NT5DC3: variants seen among roughly 807,000 people sequenced by gnomAD.
NT5DC3 encodes 5'-nucleotidase domain-containing protein 3.
In NT5DC3, 42 loss-of-function variants were observed where a neutral mutation model predicts 67.8. That is an observed-to-expected ratio of 0.62 (90% CI 0.48 to 0.80). NT5DC3 has a LOEUF of 0.80. NT5DC3 is among the 30% of genes least tolerant of loss of function. The pLI, the probability that NT5DC3 is intolerant of heterozygous loss-of-function variation, is 0.00. For synonymous variants in NT5DC3, 237 were observed against 255.6 expected, an observed-to-expected ratio of 0.93 and a Z score of 0.69; for missense variants, 570 against 696.4, an observed-to-expected ratio of 0.82 and a Z score of 2.04.
intron 4 of NT5DC3, among the ~76,000 whole-genome samples, chr12:103,801,496 C>T (rs1886579894): frequency 6.6e-6 from 1 of 151,050 alleles, no homozygotes; most frequent in African/African-American, 2.4e-5. Flanking sequence ...CATTCTCCTG[C>T]CTCAGCCTCC....
chr12:103,763,949 C>T, the NT5DC3 span: 12 of 184,888 alleles, frequency 6.5e-5, 1 homozygote, highest in East Asian at 1.5e-3. Flanking sequence ...GTAGCAGGTG[C>T]AAAACAAGAT....
At chr12:103,791,106 A>G (rs12422615) in intron 9 of NT5DC3, among the ~76,000 whole-genome samples, 14,320 of 152,178 alleles carry the variant, frequency 0.094, 933 homozygotes, top group East Asian at 0.27. Flanking sequence ...ATTATGAATA[A>G]CACAAGGATG....
intron 6 of NT5DC3, 61 bp from the exon 7 acceptor site, chr12:103,794,058 C>T: frequency 7.8e-7 from 1 of 1,285,920 alleles, no homozygotes; most frequent in East Asian, 2.3e-5. Context: ...AGTAACAGTA[C>T]AAGTGAAATG....
chr12:103,799,528 C>T (rs938700822), intron 4 of NT5DC3, among the ~76,000 whole-genome samples: 12 of 152,270 alleles, frequency 7.9e-5, no homozygotes, highest in East Asian at 7.7e-4. Flanking sequence ...AGGCCTCCCC[C>T]GCTATGTGGA....
the NT5DC3 span, among the ~76,000 whole-genome samples, chr12:103,749,841 C>CAAAAAAAAAA: frequency 2.6e-3 from 135 of 51,162 alleles, 7 homozygotes; most frequent in East Asian, 6.3e-3. Context: ...CTCTGTCTCA[C>CAAAAAAAAAA]AAAAAAAAAA....
chr12:103,780,274 G>A (rs773234363), intron 13 of NT5DC3, 26 bp downstream of exon 13: 45 of 1,597,146 alleles, frequency 2.8e-5, no homozygotes, highest in East Asian at 4.5e-5. Context: ...TGGTGGACGC[G>A]CACATTCAAT....
intron 2 of NT5DC3, 74 bp from the exon 3 acceptor site, chr12:103,807,003 G>T (rs1040759286): frequency 2.3e-6 from 2 of 871,008 alleles, no homozygotes; most frequent in East Asian, 2.5e-5. Flanking sequence ...TCTGGCCCTT[G>T]TACAAAGGCT....
chr12:103,806,269 C>T, intron 4 of NT5DC3, 53 bp downstream of exon 4: 1 of 1,191,474 alleles, frequency 8.4e-7, no homozygotes, highest in Non-Finnish European at 1.3e-6. Context: ...GTCCTGAAAC[C>T]CAAAGCACCT....
intron 1 of NT5DC3, among the ~76,000 whole-genome samples, chr12:103,816,845 G>A (rs566214937): frequency 1.1e-4 from 16 of 152,178 alleles, no homozygotes; most frequent in African/African-American, 2.6e-4. Context: ...GTGCAGTAGT[G>A]AAATAAGTCA....
downstream of NT5DC3, among the ~76,000 whole-genome samples, chr12:103,770,173 T>G (rs537689098): frequency 6.6e-6 from 1 of 152,362 alleles, no homozygotes; most frequent in South Asian, 2.1e-4. Flanking sequence ...AGAAAACAGT[T>G]TATAATGCAT....
chr12:103,759,657 C>G, the NT5DC3 span, among the ~76,000 whole-genome samples: 1 of 151,836 alleles, frequency 6.6e-6, no homozygotes, highest in Non-Finnish European at 1.5e-5. Context: ...TCCAGCTTCC[C>G]TGTGTCTCAA....
chr12:103,753,469 G>C, the NT5DC3 span: 1 of 1,409,520 alleles, frequency 7.1e-7, no homozygotes, highest in South Asian at 1.3e-5. Context: ...AGTGCAGGTA[G>C]CTCCTGGAAC....
chr12:103,778,089 G>A lies in NT5DC3; in HGVS notation c.1395-8C>T. 6.3e-7 allele frequency: 1 copy of A among 1,585,522 alleles called. No homozygotes were observed. Among genetic ancestry groups the A allele is most frequent in the East Asian group, 2.3e-5 (1 of 44,162 alleles). On this transcript the variant is annotated splice_region_variant and splice_polypyrimidine_tract_variant and intron_variant, in intron 13 of 13. Coordinates refer to ENST00000392876, the MANE Select transcript of NT5DC3 (RefSeq NM_001031701.3). ...AAACTCTTGGTCATTTCTCTGAAGA[G>A]GCAATAAAAAAGCAAAGCAACAGAG...
At chr12:103,794,151 C>CTTTTTT (rs796470465) in intron 6 of NT5DC3, among the ~76,000 whole-genome samples, 154 bp from the exon 7 acceptor site, 3 of 140,020 alleles carry the variant, frequency 2.1e-5, no homozygotes, top group African/African-American at 5.3e-5. Flanking sequence ...TTTTCTTCTT[C>CTTTTTT]TTTTTTTTTT....
At chr12:103,759,114 GTTTCTCCTTT>G in the NT5DC3 span, 1 of 1,614,040 alleles carries the variant, frequency 6.2e-7, no homozygotes, top group East Asian at 2.2e-5. Flanking sequence ...AGCATTCTGT[GTTTCTCCTTT>G]TTTCTCAGAC....
chr12:103,747,933 T>C, the NT5DC3 span, among the ~76,000 whole-genome samples: 1 of 146,662 alleles, frequency 6.8e-6, no homozygotes. Flanking sequence ...AGGCAGAGGT[T>C]GCAGTGAGCT....
rs1333091820 is a variant in NT5DC3 at position 103,796,935 on chromosome 12, T to C, written c.712A>G (p.Asn238Asp). ...AGATGCACAGGCTCATAGTCGATGT[T>C]GTTCTTGAGGAAGTATTCATTCACG... Reference protein sequence around the residue: ...SCVNEYFLKNNIDYEPVHLYK... With the variant: ...SCVNEYFLKNDIDYEPVHLYK... The change falls in exon 6 of 14, where the codon AAC (asparagine) becomes GAC (aspartate). Residue 238 changes from asparagine (N) to aspartate (D), a missense_variant. Transcript: ENST00000392876. 6.2e-7 allele frequency: 1 copy of C among 1,614,044 alleles called. No individual in the cohort carries two copies. The highest frequency in any genetic ancestry group is 2.2e-5 in the East Asian group (1 of 44,888).
In NT5DC3 at chr12:103,787,411, C is replaced by T. The variant is rs183509105; in HGVS notation, c.1188+30G>A. ...TAGTAAGTGAGACTAACACATCTGT[C>T]CCCCAACAAAGGAAAAAAGGGCCCC... On this transcript the variant is annotated intron_variant, in intron 11 of 13. Coordinates refer to ENST00000392876, the MANE Select transcript of NT5DC3 (RefSeq NM_001031701.3). The T allele has an allele frequency of 9.3e-5, 108 of 1,165,220 alleles. No individual in the cohort carries two copies. The African/African-American group carries it at 1.4e-3, about 15-fold the overall frequency. 72.2% of individuals were successfully genotyped at this position (1,165,220 alleles called of 1,614,324 possible). A position where few individuals can be genotyped will look rare whatever the true frequency, so the allele number is the denominator to read the frequency against.
chr12:103,771,948 C>T (rs1458059020), downstream of NT5DC3, among the ~76,000 whole-genome samples: 1 of 152,098 alleles, frequency 6.6e-6, no homozygotes, highest in Non-Finnish European at 1.5e-5. Context: ...CCAACACCCA[C>T]CATCACAGGT....
Sources: gnomAD v4.1 joint callset for allele counts (sites outside exome capture counted in the v4.1 genomes callset) on GRCh38, gnomAD v4.1.1 for gene constraint, MANE v1.5 for transcripts, NCBI Gene and HGNC (gene_info 2026-07-23, HGNC 2026-07-21) for gene names.